Variants in ASTN1 observed in about 807,000 individuals in gnomAD.
The protein encoded by ASTN1 is astrotactin 1.
In ASTN1, 41 loss-of-function variants were observed where a neutral mutation model predicts 140.7. The ratio of observed to expected loss-of-function variants is 0.29; its 90% confidence interval spans 0.23 to 0.38. ASTN1 has a LOEUF of 0.38. Ranked by LOEUF, ASTN1 falls within the 10% of genes least tolerant of loss-of-function variation. ASTN1 has a pLI of 1.00. For missense variants in ASTN1, 1,479 were observed against 1,678.8 expected (o/e 0.88, Z 2.08); for synonymous variants, 640 against 652.2 (o/e 0.98, Z 0.29).
chr1:176,892,084 A>G (rs1669292975), intron 17 of ASTN1, among the ~76,000 whole-genome samples: 1 of 152,284 alleles, frequency 6.6e-6, no homozygotes, highest in South Asian at 2.1e-4. Flanking sequence ...GGGGGTAGAA[A>G]GAGTTAAATA....
At chr1:177,034,671 G>A (rs549343123) in intron 2 of ASTN1, among the ~76,000 whole-genome samples, 3 of 152,182 alleles carry the variant, frequency 2.0e-5, no homozygotes, top group East Asian at 1.9e-4. Context: ...CATTGACAGC[G>A]AGTATTTGTG....
intron 8 of ASTN1, among the ~76,000 whole-genome samples, chr1:176,997,833 A>G (rs1241959410): frequency 1.3e-5 from 2 of 152,116 alleles, no homozygotes; most frequent in African/African-American, 4.8e-5. Context: ...GGGAGTTAGA[A>G]AAGGCTTTAT....
intron 16 of ASTN1, among the ~76,000 whole-genome samples, chr1:176,903,826 G>A (rs1669870581): frequency 6.6e-6 from 1 of 152,180 alleles, no homozygotes; most frequent in Admixed American, 6.5e-5. Context: ...AAATCAAGGT[G>A]TGGTCAGGGC....
intron 1 of ASTN1, among the ~76,000 whole-genome samples, chr1:177,133,614 G>A (rs1170040015): frequency 6.6e-6 from 1 of 152,142 alleles, no homozygotes; most frequent in Non-Finnish European, 1.5e-5. Flanking sequence ...TCAGAGCAAA[G>A]GCCATTATTT....
intron 5 of ASTN1, among the ~76,000 whole-genome samples, chr1:177,025,817 T>C (rs891642795): frequency 2.8e-4 from 43 of 152,298 alleles, no homozygotes; most frequent in Admixed American, 2.8e-3. Context: ...ACTTATGAAG[T>C]GATGATTGTG....
At chr1:177,118,853 G>A (rs550661305) in intron 1 of ASTN1, among the ~76,000 whole-genome samples, 1 of 152,312 alleles carries the variant, frequency 6.6e-6, no homozygotes, top group African/African-American at 2.4e-5. Context: ...CCACCTTCTA[G>A]TTGGGGGACT....
chr1:176,979,137 G>A (rs1673494092), intron 8 of ASTN1, among the ~76,000 whole-genome samples: 1 of 152,130 alleles, frequency 6.6e-6, no homozygotes, highest in Non-Finnish European at 1.5e-5. Flanking sequence ...AGAAAGTAAG[G>A]GTTAAGCCCT....
intron 1 of ASTN1, among the ~76,000 whole-genome samples, chr1:177,099,365 G>A (rs1229680909): frequency 6.6e-6 from 1 of 151,734 alleles, no homozygotes; most frequent in African/African-American, 2.4e-5. Context: ...AAAAAATCAG[G>A]TCTGAAATTT....
intron 1 of ASTN1, among the ~76,000 whole-genome samples, chr1:177,148,956 A>C (rs1168180423): frequency 6.7e-6 from 1 of 149,716 alleles, no homozygotes; most frequent in Non-Finnish European, 1.5e-5. Context: ...GAGTATGCTT[A>C]TAGGCTTAAG....
intron 8 of ASTN1, among the ~76,000 whole-genome samples, chr1:177,011,415 A>G (rs1209649579): frequency 6.6e-6 from 1 of 152,204 alleles, no homozygotes; most frequent in Non-Finnish European, 1.5e-5. Context: ...GCAGGAACCC[A>G]TCTTCTTCTA....
chr1:176,976,091 C>G lies in ASTN1; in HGVS notation c.1524-10854G>C, dbSNP rs529970602. 5 of 152,202 alleles carry G rather than the reference C, an allele frequency of 3.3e-5. No individual in the cohort carries two copies. The East Asian group carries it at 7.7e-4, about 24-fold the overall frequency. 9.4% of individuals were successfully genotyped at this position (152,202 alleles called of 1,614,324 possible). ...CCTTTATTGATGAATTAAGATATCC[C>G]AAATCTCATTACAATTATATGAGAT... On this transcript the variant is annotated intron_variant, in intron 8 of 22. Coordinates refer to ENST00000361833, the MANE Select transcript of ASTN1 (RefSeq NM_004319.3).
intron 1 of ASTN1, among the ~76,000 whole-genome samples, chr1:177,156,280 A>C (rs886735626): frequency 6.6e-6 from 1 of 151,954 alleles, no homozygotes; most frequent in Admixed American, 6.6e-5. Flanking sequence ...AAAAAAAAAA[A>C]AAACAAAAAA....
At chr1:177,144,031 G>A (rs1255517638) in intron 1 of ASTN1, among the ~76,000 whole-genome samples, 4 of 151,980 alleles carry the variant, frequency 2.6e-5, no homozygotes, top group Non-Finnish European at 5.9e-5. Context: ...GTAAACAAAT[G>A]TCTTTTCTTT....
intron 1 of ASTN1, among the ~76,000 whole-genome samples, chr1:177,071,941 T>C (rs1332462375): frequency 6.6e-6 from 1 of 152,176 alleles, no homozygotes; most frequent in Non-Finnish European, 1.5e-5. Context: ...TGTTACAACT[T>C]GCAAAGGCCT....
rs227514 is a variant in ASTN1, at chr1:177,123,084, C to T, written c.283+41310G>A. ...AATACCACACATAAGCCATATGCAG[C>T]GGCACTTGACCACAGGGTCAGGTGC... On this transcript the variant is annotated intron_variant, in intron 1 of 22. Transcript: ENST00000361833. Among the ~76,000 whole-genome samples, 1,244 of 152,200 alleles carry T rather than the reference C, an allele frequency of 8.2e-3. 26 individuals are homozygous for T. Among genetic ancestry groups the T allele is most frequent in the African/African-American group, 0.029 (1,186 of 41,502 alleles).
intron 16 of ASTN1, among the ~76,000 whole-genome samples, chr1:176,928,273 G>T (rs1671058605): frequency 6.6e-6 from 1 of 152,008 alleles, no homozygotes; most frequent in Non-Finnish European, 1.5e-5. Flanking sequence ...TTGCCTCTAG[G>T]GAGTGGAACA....
At chr1:177,012,362 G>A (rs1489720973) in intron 8 of ASTN1, among the ~76,000 whole-genome samples, 1 of 152,048 alleles carries the variant, frequency 6.6e-6, no homozygotes, top group African/African-American at 2.4e-5. Flanking sequence ...TTTTAATACT[G>A]AGTACATATA....
chr1:176,982,897 T>A (rs1157178994), intron 8 of ASTN1, among the ~76,000 whole-genome samples: 2 of 152,090 alleles, frequency 1.3e-5, no homozygotes, highest in Non-Finnish European at 2.9e-5. Flanking sequence ...CACATGTTTA[T>A]GTAAGGTAAG....
chr1:177,101,191 T>C (rs563145149), intron 1 of ASTN1, among the ~76,000 whole-genome samples: 19 of 152,298 alleles, frequency 1.2e-4, no homozygotes, highest in Admixed American at 3.9e-4. Flanking sequence ...TAAGCCAAAA[T>C]TCCACTCATT....
Sources: allele counts gnomAD v4.1 joint callset (sites outside exome capture counted in the v4.1 genomes callset), GRCh38; gene constraint gnomAD v4.1.1; transcripts MANE v1.5; gene names NCBI Gene and HGNC (gene_info 2026-07-23, HGNC 2026-07-21).